The following PLCL2 variants were observed in gnomAD, a reference collection of about 807,000 sequenced individuals.
PLCL2 encodes the protein phospholipase C like 2.
PLCL2 carries 4 observed loss-of-function variants against 79.6 expected under a neutral mutation model. The observed-to-expected ratio is 0.05, with a 90% CI of 0.02 to 0.11. PLCL2 has a LOEUF of 0.11. Ranked by LOEUF, PLCL2 falls within the 10% of genes least tolerant of loss-of-function variation. The probability of loss-of-function intolerance (pLI) is 1.00; values close to 1 mark genes in which losing one functional copy is unlikely to be tolerated. For missense variants in PLCL2, 895 were observed against 1,291.0 expected (o/e 0.69, Z 4.70); for synonymous variants, 484 against 457.7 (o/e 1.06, Z -0.73).
intron 5 of PLCL2, among the ~76,000 whole-genome samples, chr3:17,076,664 G>A (rs1041861923): frequency 1.3e-5 from 2 of 151,882 alleles, no homozygotes; most frequent in African/African-American, 4.8e-5. Flanking sequence ...TACCATGCCT[G>A]GATAATTTGT....
intron 1 of PLCL2, among the ~76,000 whole-genome samples, chr3:16,972,939 T>G (rs2063888343): frequency 6.6e-6 from 1 of 152,186 alleles, no homozygotes; most frequent in African/African-American, 2.4e-5. Context: ...TTTATCCTGC[T>G]TGCTACTCTG....
At position 17,055,967 on chromosome 3, in the gene PLCL2, T is replaced by A. The variant is rs115830131; in HGVS notation, c.3095-11989T>A. On this transcript the variant is annotated intron_variant, in intron 4 of 5. Coordinates refer to ENST00000615277, the MANE Select transcript of PLCL2 (RefSeq NM_001144382.2). ...GTGCCACAAATGAAGGGGAGGGAAG[T>A]TTTGGGGACACTTGCCCTTCCCGGG... is the stretch of plus-strand genomic sequence containing the variant. Among the ~76,000 whole-genome samples, 192 of 152,136 alleles carry A rather than the reference T, an allele frequency of 1.3e-3. 1 individual carries two copies. The Middle Eastern group carries it at 0.014, about 11-fold the overall frequency.
intron 1 of PLCL2, among the ~76,000 whole-genome samples, chr3:16,911,252 CAAA>C (rs780366754): frequency 1.1e-4 from 6 of 55,950 alleles, no homozygotes; most frequent in Admixed American, 3.8e-4. Context: ...GACTCTGTCT[CAAA>C]AAAAAAAAAA....
intron 5 of PLCL2, among the ~76,000 whole-genome samples, chr3:17,074,532 T>G (rs954310401): frequency 6.6e-6 from 1 of 152,210 alleles, no homozygotes; most frequent in Non-Finnish European, 1.5e-5. Flanking sequence ...AATATCAAAC[T>G]GTCCTTTGAA....
chr3:17,009,943 C>A lies in PLCL2; in HGVS notation c.597C>A (p.Asn199Lys). Residue 199 changes from asparagine (N) to lysine (K), a missense_variant, in exon 2 of 6, where the codon AAC becomes AAA. Asn to Lys is a moderately conservative substitution (Grantham distance 94). Coordinates refer to ENST00000615277, the MANE Select transcript of PLCL2 (RefSeq NM_001144382.2). This position sits in a 1 kb window ranked among gnomAD's most constrained non-coding sequence, Gnocchi z 4.0. ...TCAAGGAAGTGAGAACAGGAAAAAA[C>A]ACAGACATATTCCGCAGCAATGGCA... ...KSIKEVRTGK[N>K]TDIFRSNGIS... is the part of the protein sequence containing the mutation. 6.2e-7 allele frequency: 1 copy of A among 1,614,044 alleles called. No individual in the cohort carries two copies. Among genetic ancestry groups the A allele is most frequent in the South Asian group, 1.1e-5 (1 of 91,082 alleles).
chr3:17,040,943 A>G (rs1248336544), intron 3 of PLCL2, among the ~76,000 whole-genome samples: 2 of 151,272 alleles, frequency 1.3e-5, no homozygotes, highest in East Asian at 1.9e-4. Flanking sequence ...TCCTTCTCCT[A>G]TTTGAATGAT....
At chr3:17,049,334 C>G (rs1299805806) in intron 4 of PLCL2, among the ~76,000 whole-genome samples, 1 of 152,144 alleles carries the variant, frequency 6.6e-6, no homozygotes, top group Non-Finnish European at 1.5e-5. Flanking sequence ...CTTCTGTCAA[C>G]CAGCAGGCAG....
chr3:16,961,724 G>T (rs1462137519), intron 1 of PLCL2, among the ~76,000 whole-genome samples: 4 of 152,182 alleles, frequency 2.6e-5, no homozygotes, highest in Admixed American at 6.5e-5. Context: ...TCTATTCTAG[G>T]TGAAGTAAGA....
chr3:16,976,722 G>C (rs1023421735), intron 1 of PLCL2, among the ~76,000 whole-genome samples: 8 of 152,208 alleles, frequency 5.3e-5, no homozygotes, highest in Non-Finnish European at 1.2e-4. Flanking sequence ...TTACCCTTGA[G>C]AGAGTGGGGA....
intron 1 of PLCL2, among the ~76,000 whole-genome samples, chr3:16,948,362 C>T (rs1266940739): frequency 7.8e-6 from 1 of 127,764 alleles, no homozygotes; most frequent in Non-Finnish European, 1.6e-5. Flanking sequence ...GGGCTGGGGT[C>T]GGGGGTTGGG....
At chr3:17,075,363 A>T (rs1360164887) in intron 5 of PLCL2, among the ~76,000 whole-genome samples, 5 of 152,134 alleles carry the variant, frequency 3.3e-5, no homozygotes, top group Admixed American at 6.5e-5. Flanking sequence ...GCCCCAAAAT[A>T]ATTAGTAACA....
intron 1 of PLCL2, among the ~76,000 whole-genome samples, chr3:16,957,775 A>G (rs962861082): frequency 1.2e-4 from 19 of 152,228 alleles, no homozygotes; most frequent in African/African-American, 4.1e-4. Flanking sequence ...TCCCTTTACC[A>G]TTATGTAATG....
At chr3:16,930,484 A>T (rs989881635) in intron 1 of PLCL2, among the ~76,000 whole-genome samples, 1 of 152,206 alleles carries the variant, frequency 6.6e-6, no homozygotes, top group African/African-American at 2.4e-5. Context: ...TTTGCTGATT[A>T]TATCTCTGTT....
intron 3 of PLCL2, among the ~76,000 whole-genome samples, chr3:17,033,139 G>T (rs1462372217): frequency 6.6e-6 from 1 of 152,134 alleles, no homozygotes; most frequent in East Asian, 1.9e-4. Flanking sequence ...GATCCCTTAG[G>T]TACTACCCTA....
At position 17,063,942 on chromosome 3, in the gene PLCL2, C is replaced by G. The variant is rs78282056; in HGVS notation, c.3095-4014C>G. 7.5e-3 allele frequency among the ~76,000 whole-genome samples: 1,143 copies of G among 152,322 alleles called. 14 individuals carry two copies. Among genetic ancestry groups the G allele is most frequent in the African/African-American group, 0.025 (1,045 of 41,568 alleles). On this transcript the variant is annotated intron_variant, in intron 4 of 5. Transcript: ENST00000615277. Reference sequence around the variant, plus strand: ...TGACTTAGTCTTAAGCTTTTTACTTCTTACCTGATTTTCGCCAGCTACTTT... The same window carrying G: ...TGACTTAGTCTTAAGCTTTTTACTTGTTACCTGATTTTCGCCAGCTACTTT...
At chr3:17,012,264 T>C in intron 2 of PLCL2, 104 bp downstream of exon 2, 1 of 1,018,626 alleles carries the variant, frequency 9.8e-7, no homozygotes, top group Non-Finnish European at 1.4e-6. Context: ...TTTAAGTAGT[T>C]TTTAAATTCT....
intron 3 of PLCL2, among the ~76,000 whole-genome samples, chr3:17,016,352 A>T (rs1486225403): frequency 6.6e-6 from 1 of 152,232 alleles, no homozygotes; most frequent in African/African-American, 2.4e-5. Context: ...GTAGTCACAC[A>T]TTGTAGTGGG....
intron 1 of PLCL2, among the ~76,000 whole-genome samples, chr3:17,004,859 C>G (rs2064245313): frequency 6.6e-6 from 1 of 152,114 alleles, no homozygotes; most frequent in African/African-American, 2.4e-5. Context: ...CTAAATCCCC[C>G]TTGATAAACA....
In PLCL2 at chr3:17,090,335, T is replaced by G; in HGVS notation, c.*423T>G. On this transcript the variant is annotated 3_prime_UTR_variant, in exon 6 of 6. Coordinates refer to ENST00000615277, the MANE Select transcript of PLCL2 (RefSeq NM_001144382.2). ...ATATGGGGTTGCCAGAGTCTCTGGG[T>G]TCTAGATGATTTTGGTGGCATGCTT... 1 of 829,986 alleles carries G rather than the reference T, an allele frequency of 1.2e-6. No individual in the cohort carries two copies. The highest frequency in any genetic ancestry group is 1.5e-6 in the Non-Finnish European group (1 of 688,072). 51.4% of individuals were successfully genotyped at this position (829,986 alleles called of 1,614,324 possible). A position where few individuals can be genotyped will look rare whatever the true frequency, so the allele number is the denominator to read the frequency against.
Sources: gnomAD v4.1 joint callset for allele counts (sites outside exome capture counted in the v4.1 genomes callset) on GRCh38, gnomAD v4.1.1 for gene constraint, Gnocchi (gnomAD v3.1) non-coding constraint, MANE v1.5 for transcripts, NCBI Gene and HGNC (gene_info 2026-07-23, HGNC 2026-07-21) for gene names.